CSMD1: variants seen among roughly 807,000 people sequenced by gnomAD.
CSMD1 encodes the protein CUB and Sushi multiple domains 1.
CSMD1 carries 213 observed loss-of-function variants against 417.5 expected under a neutral mutation model. The observed-to-expected ratio is 0.51, with a 90% CI of 0.46 to 0.57. The LOEUF (loss-of-function observed/expected upper bound fraction) is 0.57, where lower values mean the gene tolerates loss of function less well. Among genes scored for constraint, CSMD1 ranks in the 20% least tolerant of loss-of-function variants. The pLI, the probability that CSMD1 is intolerant of heterozygous loss-of-function variation, is 0.00. For missense variants in CSMD1, 6,923 were observed against 4,529.7 expected, an observed-to-expected ratio of 1.53 and a Z score of -15.17; for synonymous variants, 2,862 against 1,736.8, an observed-to-expected ratio of 1.65 and a Z score of -16.11.
At chr8:3,936,953 C>T (rs896899973) in intron 5 of CSMD1, among the ~76,000 whole-genome samples, 50 of 152,228 alleles carry the variant, frequency 3.3e-4, no homozygotes, top group African/African-American at 8.9e-4. Flanking sequence ...AAAATACCAG[C>T]ACGAACAGGA....
At chr8:4,938,693 G>A (rs1326092283) in intron 1 of CSMD1, among the ~76,000 whole-genome samples, 1 of 152,174 alleles carries the variant, frequency 6.6e-6, no homozygotes, top group African/African-American at 2.4e-5. Flanking sequence ...GGGGTGGAAA[G>A]AAACAGATAA....
chr8:3,208,409 G>A (rs1039267308), intron 30 of CSMD1, among the ~76,000 whole-genome samples: 6 of 152,056 alleles, frequency 3.9e-5, no homozygotes, highest in African/African-American at 1.4e-4. Context: ...AGGGACTACA[G>A]GTGCACACCA....
At chr8:4,237,208 T>C (rs572122346) in intron 3 of CSMD1, among the ~76,000 whole-genome samples, 12 of 152,252 alleles carry the variant, frequency 7.9e-5, no homozygotes, top group Non-Finnish European at 1.5e-4. Context: ...ACTTTGCAAA[T>C]CAATTGTTTA....
At chr8:3,340,299 G>A (rs867469386) in intron 23 of CSMD1, among the ~76,000 whole-genome samples, 6 of 152,164 alleles carry the variant, frequency 3.9e-5, no homozygotes, top group Non-Finnish European at 8.8e-5. Context: ...TACCAGGATT[G>A]TAAAGTTGAA....
At chr8:4,115,710 A>G (rs1000548847) in intron 3 of CSMD1, among the ~76,000 whole-genome samples, 2 of 152,312 alleles carry the variant, frequency 1.3e-5, no homozygotes, top group South Asian at 2.1e-4. Flanking sequence ...GTGAGTGAAT[A>G]AACTGTGGGA....
At chr8:3,510,730 G>C (rs1383623930) in intron 10 of CSMD1, among the ~76,000 whole-genome samples, 1 of 151,702 alleles carries the variant, frequency 6.6e-6, no homozygotes, top group South Asian at 2.1e-4. Flanking sequence ...ATCTCATTGT[G>C]GTTTTGATTT....
intron 5 of CSMD1, among the ~76,000 whole-genome samples, chr8:3,891,773 C>A (rs183948054): frequency 2.0e-5 from 3 of 152,100 alleles, no homozygotes; most frequent in African/African-American, 4.8e-5. Flanking sequence ...TGCTTCATAA[C>A]GTCATTACTA....
At chr8:4,693,511 C>A (rs1409421520) in intron 1 of CSMD1, among the ~76,000 whole-genome samples, 1 of 152,116 alleles carries the variant, frequency 6.6e-6, no homozygotes, top group Non-Finnish European at 1.5e-5. Flanking sequence ...CCTCTTTTTT[C>A]ACTTGAGTCT....
intron 6 of CSMD1, among the ~76,000 whole-genome samples, chr8:3,730,472 G>A (rs1027990056): frequency 1.3e-5 from 2 of 148,566 alleles, no homozygotes; most frequent in East Asian, 4.0e-4. Context: ...AGGCTCTCAA[G>A]AGATCCATTA....
intron 2 of CSMD1, among the ~76,000 whole-genome samples, chr8:4,522,519 T>G (rs1281014144): frequency 1.3e-5 from 2 of 152,218 alleles, no homozygotes; most frequent in Non-Finnish European, 2.9e-5. Flanking sequence ...CTGAGGTATC[T>G]TTTTAAATGA....
intron 2 of CSMD1, among the ~76,000 whole-genome samples, chr8:4,450,625 G>C (rs922361268): frequency 6.6e-6 from 1 of 151,990 alleles, no homozygotes; most frequent in African/African-American, 2.4e-5. Flanking sequence ...GTGACACTCA[G>C]TCTCCAAAGA....
intron 3 of CSMD1, among the ~76,000 whole-genome samples, chr8:4,197,357 A>T (rs1799398480): frequency 6.6e-6 from 1 of 152,218 alleles, no homozygotes; most frequent in East Asian, 1.9e-4. Flanking sequence ...TTGGTCAGAC[A>T]TTATTGTGGG....
chr8:3,616,570 G>C, intron 8 of CSMD1, 140 bp downstream of exon 8: 2 of 609,318 alleles, frequency 3.3e-6, no homozygotes, highest in Non-Finnish European at 5.7e-6. Flanking sequence ...GACAAATTGT[G>C]ATTACACACA....
At chr8:4,992,584 C>T (rs1182934103) in intron 1 of CSMD1, among the ~76,000 whole-genome samples, 2 of 152,212 alleles carry the variant, frequency 1.3e-5, no homozygotes, top group Non-Finnish European at 2.9e-5. Context: ...CTCCTGCCCT[C>T]ACCCCGCTGC....
chr8:3,083,649 T>TATA (rs58461366), intron 49 of CSMD1, among the ~76,000 whole-genome samples: 71 of 11,160 alleles, frequency 6.4e-3, no homozygotes, highest in South Asian at 0.054. Flanking sequence ...TATATATATA[T>TATA]TTTTTTTTTT....
chr8:3,361,933 C>G (rs1020254112), intron 20 of CSMD1, among the ~76,000 whole-genome samples: 11 of 152,106 alleles, frequency 7.2e-5, no homozygotes, highest in African/African-American at 2.4e-4. Flanking sequence ...TATTAATTAT[C>G]ACTTAATCAT....
intron 3 of CSMD1, among the ~76,000 whole-genome samples, chr8:4,034,218 T>A (rs1051152771): frequency 2.0e-5 from 3 of 151,130 alleles, no homozygotes; most frequent in African/African-American, 7.2e-5. Flanking sequence ...TTATTTATCA[T>A]GATATTACTT....
intron 3 of CSMD1, among the ~76,000 whole-genome samples, chr8:4,315,438 T>C (rs1028471214): frequency 6.6e-6 from 1 of 151,930 alleles, no homozygotes; most frequent in Non-Finnish European, 1.5e-5. Context: ...ATTTGTAAAA[T>C]AAATCAGTGA....
chr8:3,628,951 A>G (rs1221540458), intron 7 of CSMD1, among the ~76,000 whole-genome samples: 1 of 152,180 alleles, frequency 6.6e-6, no homozygotes, highest in East Asian at 1.9e-4. Flanking sequence ...GAGAAACAAA[A>G]GAAGAATAAA....
Sources: allele counts gnomAD v4.1 joint callset (sites outside exome capture counted in the v4.1 genomes callset), GRCh38; gene constraint gnomAD v4.1.1; transcripts MANE v1.5; gene names NCBI Gene and HGNC (gene_info 2026-07-23, HGNC 2026-07-21).